RALGPS2: variants seen among roughly 807,000 people sequenced by gnomAD.
The protein encoded by RALGPS2 is ras-specific guanine nucleotide-releasing factor RalGPS2.
RALGPS2 carries 43 observed loss-of-function variants against 86.8 expected under a neutral mutation model. The observed-to-expected ratio is 0.50, with a 90% CI of 0.39 to 0.64. The LOEUF (loss-of-function observed/expected upper bound fraction) is 0.64. Among genes scored for constraint, RALGPS2 ranks in the 30% least tolerant of loss-of-function variants. The pLI is 0.00. For synonymous variants in RALGPS2, 243 were observed against 231.3 expected (o/e 1.05, Z -0.46); for missense variants, 536 against 694.6 (o/e 0.77, Z 2.57).
chr1:178,838,672 T>C (rs1656412198), intron 8 of RALGPS2, among the ~76,000 whole-genome samples: 1 of 152,160 alleles, frequency 6.6e-6, no homozygotes, highest in Admixed American at 6.5e-5. Context: ...GATAATGACT[T>C]TGACGAGTTG....
Position 178,859,825 on chromosome 1 carries a change from C to T in RALGPS2, c.608-17673C>T, listed in dbSNP as rs554814630. On this transcript the variant is annotated intron_variant, in intron 8 of 19. Transcript: ENST00000367635. ...CCATTCTCCTGCCTCTGCCCGCCCC[C>T]CCCCCCCCAACCGCCCAAGTAGCTG... is the stretch of plus-strand genomic sequence containing the variant. Among the ~76,000 whole-genome samples the T allele has an allele frequency of 1.4e-3, 97 of 70,898 alleles. 23 individuals are homozygous for T. Among genetic ancestry groups the T allele is most frequent in the Non-Finnish European group, 6.4e-5 (2 of 31,372 alleles). The allele number at this position is 70,898 out of a possible 152,430, so 46.5% of individuals were successfully genotyped here. A position where few individuals can be genotyped will look rare whatever the true frequency, so the allele number is the denominator to read the frequency against.
intron 4 of RALGPS2, among the ~76,000 whole-genome samples, chr1:178,798,719 T>C (rs1186388232): frequency 1.3e-5 from 2 of 152,102 alleles, no homozygotes; most frequent in Admixed American, 6.6e-5. Context: ...TTGTGAAATA[T>C]TGTGTCTTTT....
At chr1:178,736,192 G>C (rs1373876677) in intron 1 of RALGPS2, among the ~76,000 whole-genome samples, 1 of 147,806 alleles carries the variant, frequency 6.8e-6, no homozygotes, top group Non-Finnish European at 1.5e-5. Context: ...CTGAGACAGA[G>C]TCTCACTGTG....
At chr1:178,726,379 C>G (rs551354745) in intron 1 of RALGPS2, 1 of 152,160 alleles carries the variant, frequency 6.6e-6, no homozygotes, top group Non-Finnish European at 1.5e-5. Flanking sequence ...TAGACGCAAG[C>G]CAGTTTCAGT....
At chr1:178,877,199 C>G (rs985939365) in intron 8 of RALGPS2, among the ~76,000 whole-genome samples, 2 of 152,038 alleles carry the variant, frequency 1.3e-5, no homozygotes, top group African/African-American at 4.8e-5. Context: ...TCCATTAATT[C>G]CCATATGTGC....
intron 4 of RALGPS2, among the ~76,000 whole-genome samples, chr1:178,795,517 G>C (rs1445073241): frequency 6.6e-6 from 1 of 151,944 alleles, no homozygotes; most frequent in Non-Finnish European, 1.5e-5. Flanking sequence ...GGTTCAAGTG[G>C]TTCTTCTGCC....
chr1:178,891,816 T>C (rs1161935440), intron 14 of RALGPS2, among the ~76,000 whole-genome samples: 2 of 152,050 alleles, frequency 1.3e-5, no homozygotes, highest in East Asian at 1.9e-4. Flanking sequence ...CATAGGGACA[T>C]ATAATAAAAA....
intron 7 of RALGPS2, among the ~76,000 whole-genome samples, chr1:178,826,875 A>G (rs1365771693): frequency 1.3e-5 from 2 of 152,198 alleles, no homozygotes; most frequent in African/African-American, 2.4e-5. Flanking sequence ...AAGTTATAAA[A>G]CTTTACAGGA....
chr1:178,740,958 AGT>A (rs1401198994), intron 1 of RALGPS2, among the ~76,000 whole-genome samples: 1 of 152,228 alleles, frequency 6.6e-6, no homozygotes, highest in African/African-American at 2.4e-5. Flanking sequence ...GTGAGGATTA[AGT>A]GAGAATGACA....
chr1:178,865,624 G>A lies in RALGPS2; in HGVS notation c.608-11874G>A, dbSNP rs1225828849. The A allele has an allele frequency of 2.5e-6, 4 of 1,613,950 alleles. No individual in the cohort carries two copies. The South Asian group carries it at 4.4e-5, about 18-fold the overall frequency. On this transcript the variant is annotated intron_variant, in intron 8 of 19. Transcript: ENST00000367635. Reference sequence around the variant, plus strand: ...TTCTTTGTTCAGGTACCAGGAATGTGTATGCACATTTCTTTGCTTCCTCTT... The same window carrying A: ...TTCTTTGTTCAGGTACCAGGAATGTATATGCACATTTCTTTGCTTCCTCTT...
intron 1 of RALGPS2, among the ~76,000 whole-genome samples, chr1:178,772,277 T>G (rs1338495985): frequency 1.3e-5 from 2 of 152,236 alleles, no homozygotes; most frequent in African/African-American, 4.8e-5. Context: ...ATGAGTTAAG[T>G]GAACTTTTAT....
At chr1:178,914,008 C>G (rs1660720784) in intron 19 of RALGPS2, among the ~76,000 whole-genome samples, 2 of 152,182 alleles carry the variant, frequency 1.3e-5, no homozygotes, top group African/African-American at 4.8e-5. Flanking sequence ...CAAAAGCATT[C>G]CAACAGAATA....
chr1:178,799,473 T>C (rs1654364998), intron 4 of RALGPS2, among the ~76,000 whole-genome samples: 1 of 152,120 alleles, frequency 6.6e-6, no homozygotes, highest in African/African-American at 2.4e-5. Context: ...TTTTGTGCAA[T>C]TGCGGTTGGG....
rs186068861 is a variant in RALGPS2, at chr1:178,828,996, A to G, written c.481-4428A>G. Among the ~76,000 whole-genome samples the G allele has an allele frequency of 2.8e-4, 43 of 152,332 alleles. 1 individual carries two copies. The highest frequency in any genetic ancestry group is 2.3e-3 in the Admixed American group (35 of 15,308). On this transcript the variant is annotated intron_variant, in intron 7 of 19. Transcript: ENST00000367635. ...TATGTTCGTTGCAGCATTATTCACA[A>G]TAGCCAGGATATGGAACCAACCTAA...
chr1:178,738,660 G>A (rs1181058134), intron 1 of RALGPS2, among the ~76,000 whole-genome samples: 1 of 152,164 alleles, frequency 6.6e-6, no homozygotes, highest in Non-Finnish European at 1.5e-5. Flanking sequence ...AATTTTTTAA[G>A]GATAGACAAT....
intron 1 of RALGPS2, among the ~76,000 whole-genome samples, chr1:178,738,880 G>C (rs1650868210): frequency 2.0e-5 from 3 of 152,082 alleles, no homozygotes; most frequent in Admixed American, 6.6e-5. Flanking sequence ...TAGATCTCTA[G>C]GGTTACTGGA....
At chr1:178,843,188 A>G (rs1436815203) in intron 8 of RALGPS2, among the ~76,000 whole-genome samples, 4 of 147,184 alleles carry the variant, frequency 2.7e-5, no homozygotes, top group Non-Finnish European at 4.5e-5. Context: ...ATGCTGCTAT[A>G]AAGACACATG....
chr1:178,844,256 A>G (rs1248730786), intron 8 of RALGPS2, among the ~76,000 whole-genome samples: 1 of 152,186 alleles, frequency 6.6e-6, no homozygotes, highest in East Asian at 1.9e-4. Context: ...TCTATAGTGC[A>G]TAGAAAAAAG....
At chr1:178,810,911 A>C (rs1026145248) in intron 5 of RALGPS2, among the ~76,000 whole-genome samples, 1 of 152,120 alleles carries the variant, frequency 6.6e-6, no homozygotes, top group African/African-American at 2.4e-5. Context: ...TATAATAAGC[A>C]AACTATTCAG....
Sources: allele counts gnomAD v4.1 joint callset (sites outside exome capture counted in the v4.1 genomes callset), GRCh38; gene constraint gnomAD v4.1.1; transcripts MANE v1.5; gene names NCBI Gene and HGNC (gene_info 2026-07-23, HGNC 2026-07-21).